The following RECQL variants were observed in gnomAD, a reference collection of about 807,000 sequenced individuals.
The protein encoded by RECQL is ATP-dependent DNA helicase Q1.
In RECQL, 73 loss-of-function variants were observed where a neutral mutation model predicts 75.8. That is an observed-to-expected ratio of 0.96 (90% CI 0.80 to 1.17). RECQL has a LOEUF of 1.17. Among genes scored for constraint, RECQL ranks in the 50% most tolerant of loss-of-function variants. The probability of loss-of-function intolerance (pLI) is 0.00; values close to 1 mark genes in which losing one functional copy is unlikely to be tolerated. For synonymous variants in RECQL, 248 were observed against 254.4 expected (o/e 0.97, Z 0.24); for missense variants, 699 against 772.1 (o/e 0.91, Z 1.12).
chr12:21,486,656 CGTTTTTTTTTTTT>C (rs1482694557), intron 4 of RECQL, 71 bp from the exon 5 acceptor site: 11 of 161,206 alleles, frequency 6.8e-5, no homozygotes, highest in East Asian at 2.2e-4. Context: ...AAACCATTCA[CGTTTTTTTTTTTT>C]TTTTTTTTTT....
rs546967054 is a variant in RECQL, at chr12:21,494,304, T to A, written c.17-2588A>T. Reference sequence around the variant, plus strand: ...CCCACCTCCAACACTGGAGGTCACATTTCAACATGAGATTAGGAGGAGACA... The same window carrying A: ...CCCACCTCCAACACTGGAGGTCACAATTCAACATGAGATTAGGAGGAGACA... On this transcript the variant is annotated intron_variant, in intron 2 of 14. Transcript: ENST00000444129. Among the ~76,000 whole-genome samples the A allele has an allele frequency of 4.6e-5, 7 of 152,288 alleles. No homozygotes were observed. The South Asian group carries it at 1.5e-3, about 32-fold the overall frequency.
Position 21,491,685 on chromosome 12 carries a change from A to G in RECQL, c.48T>C (p.Ser16=). 6.2e-7 allele frequency: 1 copy of G among 1,613,318 alleles called. No individual in the cohort carries two copies. The highest frequency in any genetic ancestry group is 8.5e-7 in the Non-Finnish European group (1 of 1,179,662). The change falls in exon 3 of 15, where the codon AGT becomes AGC. Residue 16 remains serine (S), a synonymous_variant. Transcript: ENST00000444129. ...ALTEELDSIT[S]ELHAVEIQIQ... is the part of the protein sequence containing the mutation. The stretch of plus-strand genomic sequence containing the variant: ...TTTGAATTTCTACTGCATGTAGCTC[A>G]CTGGTTATAGAATCCAGTTCCTCAG...
chr12:21,475,253 T>C (rs1008801798), intron 10 of RECQL, among the ~76,000 whole-genome samples: 16 of 152,140 alleles, frequency 1.1e-4, no homozygotes, highest in African/African-American at 3.9e-4. Context: ...AAGATGAACA[T>C]CAAATTATCT....
rs746495645 is a variant in RECQL, at chr12:21,483,402, C to T, written c.674G>A (p.Ser225Asn). 2 of 1,604,570 alleles carry T rather than the reference C, an allele frequency of 1.2e-6. No homozygotes were observed. The highest frequency in any genetic ancestry group is 8.5e-7 in the Non-Finnish European group (1 of 1,177,036). ...RIAVDEVHCC[S>N]QWGHDFRPDY... ...AGGTCTGAAATCATGTCCCCACTGA[C>T]TACAGCAGTGAACTTCATCCACAGC... The change falls in exon 6 of 15, where the codon AGT becomes AAT. Residue 225 changes from serine to asparagine, a missense_variant. By Grantham distance (46) the Ser-to-Asn change is conservative. Around this residue, in one of 2 missense-constraint regions of RECQL, gnomAD observed 669 missense variants for 713.5 expected, o/e 0.94. Coordinates refer to ENST00000444129, the MANE Select transcript of RECQL (RefSeq NM_002907.4).
At chr12:21,476,823 T>C (rs1462759957) in intron 8 of RECQL, 88 bp downstream of exon 8, 3 of 689,388 alleles carry the variant, frequency 4.4e-6, no homozygotes, top group Non-Finnish European at 6.9e-6. Flanking sequence ...TTTGGTGTTA[T>C]TCAGTTATCA....
chr12:21,471,674 G>GT, intron 12 of RECQL, 27 bp from the exon 13 acceptor site: 1 of 1,572,904 alleles, frequency 6.4e-7, no homozygotes, highest in Non-Finnish European at 8.7e-7. Flanking sequence ...ATGGTAGCAG[G>GT]TAATTAGGAT....
chr12:21,491,849 G>T, intron 2 of RECQL, 133 bp from the exon 3 acceptor site: 2 of 803,620 alleles, frequency 2.5e-6, no homozygotes, highest in Non-Finnish European at 3.8e-6. Flanking sequence ...ATGGTTATGA[G>T]CATGTTTTTG....
At chr12:21,496,051 A>G (rs1284088105) in intron 2 of RECQL, among the ~76,000 whole-genome samples, 1 of 152,250 alleles carries the variant, frequency 6.6e-6, no homozygotes, top group Non-Finnish European at 1.5e-5. Context: ...AACTGCCTTT[A>G]CCAACCAATA....
rs369820039 is a variant in RECQL, at chr12:21,475,769, C to T, written c.1005G>A (p.Gln335=). 1.2e-6 allele frequency: 2 copies of T among 1,613,062 alleles called. No homozygotes were observed. Among genetic ancestry groups the T allele is most frequent in the African/African-American group, 1.3e-5 (1 of 74,900 alleles). ...AAGCACCTGCATGAATTCCCAGATTCTGCAAACTAACCGTAACTTGTTCAG... is the reference window on the plus strand; with the variant it reads ...AAGCACCTGCATGAATTCCCAGATTTTGCAAACTAACCGTAACTTGTTCAG... ...KDSEQVTVSL[Q]NLGIHAGAYH... Residue 335 remains glutamine (Q), a synonymous_variant, in exon 9 of 15, where the codon CAG becomes CAA. Transcript: ENST00000444129.
chr12:21,471,340 A>G (rs749098233), intron 13 of RECQL, 88 bp downstream of exon 13: 42 of 1,245,902 alleles, frequency 3.4e-5, no homozygotes, highest in Middle Eastern at 2.0e-4. Flanking sequence ...TTCACACAAA[A>G]TAACTGCAAA....
At position 21,475,842 on chromosome 12, in the gene RECQL, CA is replaced by C. The variant is rs1197396705; in HGVS notation, c.950-19del. ...TATGATTCCTGCAGTAAAATATGTG[CA>C]TTTGTTAGATAGATATGGCATATTC... On this transcript the variant is annotated intron_variant, in intron 8 of 14. Transcript: ENST00000444129. 1 of 1,597,064 alleles carries C rather than the reference CA, an allele frequency of 6.3e-7. No homozygotes were observed. Among genetic ancestry groups the C allele is most frequent in the Non-Finnish European group, 8.6e-7 (1 of 1,167,004 alleles).
intron 2 of RECQL, among the ~76,000 whole-genome samples, chr12:21,498,135 C>T (rs1943542349): frequency 6.6e-6 from 1 of 152,188 alleles, no homozygotes. Context: ...CAACAGAAGG[C>T]TAATGTTCAA....
chr12:21,471,760 TA>T lies in RECQL; in HGVS notation c.1448-114del, dbSNP rs6413513. 0.1 allele frequency: 78,975 copies of T among 756,902 alleles called. 5,015 individuals carry two copies. The highest frequency in any genetic ancestry group is 0.29 in the East Asian group (11,139 of 38,802). The allele number at this position is 756,902 out of a possible 1,614,324, so 46.9% of individuals were successfully genotyped here. A position where few individuals can be genotyped will look rare whatever the true frequency, so the allele number is the denominator to read the frequency against. On this transcript the variant is annotated intron_variant, in intron 12 of 14. Coordinates refer to ENST00000444129, the MANE Select transcript of RECQL (RefSeq NM_002907.4). The stretch of plus-strand genomic sequence containing the variant: ...AGCTGGTTATCAATGTGAGCCACCC[TA>T]AACATTGATTTTTAAATGTATTCTG...
intron 2 of RECQL, among the ~76,000 whole-genome samples, chr12:21,494,191 CAG>C (rs1943463426): frequency 6.6e-6 from 1 of 152,004 alleles, no homozygotes; most frequent in East Asian, 1.9e-4. Flanking sequence ...TGTGAACTAA[CAG>C]AGCAAGAACT....
intron 5 of RECQL, among the ~76,000 whole-genome samples, chr12:21,485,854 C>T (rs1375393176): frequency 6.6e-6 from 1 of 152,010 alleles, no homozygotes; most frequent in Non-Finnish European, 1.5e-5. Context: ...TTGAAGATTT[C>T]AGTAATATGC....
rs771217861 is a variant in RECQL, at chr12:21,477,859, T to C, written c.811A>G (p.Ile271Val). The C allele has an allele frequency of 1.2e-6, 2 of 1,613,808 alleles. No homozygotes were observed. Among genetic ancestry groups the C allele is most frequent in the African/African-American group, 1.3e-5 (1 of 74,940 alleles). ...VLTDAQKILC[I>V]EKCFTFTASF... ...GCTGTAAAAGTAAAACACTTTTCAA[T>C]GCACAAAATTTTCTGAGCATCCGTC... The change falls in exon 7 of 15, where the codon ATT becomes GTT. Residue 271 changes from isoleucine to valine, a missense_variant. By Grantham distance (29) the Ile-to-Val change is conservative. Around this residue, in one of 2 missense-constraint regions of RECQL, gnomAD observed 669 missense variants for 713.5 expected, o/e 0.94. Transcript: ENST00000444129.
At chr12:21,476,563 A>G (rs1307111463) in intron 8 of RECQL, among the ~76,000 whole-genome samples, 1 of 152,102 alleles carries the variant, frequency 6.6e-6, no homozygotes, top group Non-Finnish European at 1.5e-5. Flanking sequence ...TATATTTTCT[A>G]TCCCTTTAGA....
intron 2 of RECQL, among the ~76,000 whole-genome samples, chr12:21,494,640 C>T (rs1943471470): frequency 6.6e-6 from 1 of 152,110 alleles, no homozygotes; most frequent in South Asian, 2.1e-4. Context: ...TATTCAGAGG[C>T]TTAGAGAGAG....
In RECQL at chr12:21,474,926, A is replaced by C. The variant is rs371875016; in HGVS notation, c.1270T>G (p.Phe424Val). Reference sequence around the variant, plus strand: ...ATCACCACCATTGAACTTATTCTGAATATATCTCCAAAGCCGTAGTACAAA... The same window carrying C: ...ATCACCACCATTGAACTTATTCTGACTATATCTCCAAAGCCGTAGTACAAA... Reference protein sequence around the residue: ...CILYYGFGDIFRISSMVVMEN... With the variant: ...CILYYGFGDIVRISSMVVMEN... Residue 424 changes from phenylalanine to valine, a missense_variant, in exon 11 of 15, where the codon TTC becomes GTC. This residue lies in a region of RECQL where 669 missense variants were observed against 713.5 expected (regional missense o/e 0.94). Coordinates refer to ENST00000444129, the MANE Select transcript of RECQL (RefSeq NM_002907.4). 7.4e-6 allele frequency: 12 copies of C among 1,613,044 alleles called. No individual in the cohort carries two copies. The South Asian group carries it at 7.7e-5, about 10-fold the overall frequency.
Sources: gnomAD v4.1 joint callset for allele counts (sites outside exome capture counted in the v4.1 genomes callset) on GRCh38, gnomAD v4.1.1 for gene constraint, gnomAD v4.1.1 regional missense constraint, MANE v1.5 for transcripts, NCBI Gene and HGNC (gene_info 2026-07-23, HGNC 2026-07-21) for gene names.